ZNF782: variants seen among roughly 807,000 people sequenced by gnomAD.
ZNF782 encodes zinc finger protein 782.
In ZNF782, 12 loss-of-function variants were observed where a neutral mutation model predicts 13.0. The ratio of observed to expected loss-of-function variants is 0.92; its 90% CI spans 0.59 to 1.50. The LOEUF (loss-of-function observed/expected upper bound fraction) is 1.50, where lower values mean the gene tolerates loss of function less well. Ranked by LOEUF, ZNF782 falls within the 40% of genes most tolerant of loss-of-function variation. The pLI is 0.00. For synonymous variants in ZNF782, 284 were observed against 283.0 expected (o/e 1.00, Z -0.04); for missense variants, 770 against 822.9 (o/e 0.94, Z 0.79).
upstream of ZNF782, among the ~76,000 whole-genome samples, chr9:96,879,335 AAACAAC>A (rs766678581): frequency 1.3e-5 from 2 of 152,134 alleles, no homozygotes; most frequent in African/African-American, 4.8e-5. Flanking sequence ...AAAAAAACAA[AAACAAC>A]AACAACAAAA....
upstream of ZNF782, among the ~76,000 whole-genome samples, chr9:96,858,339 A>G (rs943107563): frequency 3.2e-4 from 48 of 152,180 alleles, no homozygotes; most frequent in Non-Finnish European, 6.5e-4. This position sits in a 1 kb window ranked among gnomAD's most constrained non-coding sequence, Gnocchi z 4.4. Context: ...ACATCACCCA[A>G]TGCTCACCTC....
the ZNF782 span, chr9:96,891,089 C>G: frequency 1.3e-5 from 2 of 152,068 alleles, no homozygotes; most frequent in Non-Finnish European, 2.9e-5. Flanking sequence ...TTCATAGAGG[C>G]AGAAAGTAGA....
At position 96,819,220 on chromosome 9, in the gene ZNF782, T is replaced by C. The variant is rs1424256890; in HGVS notation, c.803A>G (p.Lys268Arg). The change falls in exon 6 of 6, where the codon AAG (lysine) becomes AGG (arginine). Residue 268 changes from lysine (K) to arginine (R), a missense_variant. Lys to Arg is a conservative substitution (Grantham distance 26). Coordinates refer to ENST00000481138, the MANE Select transcript of ZNF782 (RefSeq NM_001001662.3). ...FIIPQNMNPE[K>R]SHYEFNDTGN... ...AGTATCATTAAACTCATAGTGACTC[T>C]TCTCTGGATTCATGTTCTGAGGAAT... 10 of 1,610,750 alleles carry C rather than the reference T, an allele frequency of 6.2e-6. No homozygotes were observed. Among genetic ancestry groups the C allele is most frequent in the Non-Finnish European group, 8.5e-6 (10 of 1,178,912 alleles).
intron 3 of ZNF782, 116 bp downstream of exon 3, chr9:96,851,831 T>C: frequency 3.7e-6 from 4 of 1,078,016 alleles, no homozygotes; most frequent in East Asian, 4.8e-5. Flanking sequence ...TGAAACTGTA[T>C]ATATTTTCCC....
chr9:96,846,249 G>C (rs1050856478), intron 3 of ZNF782, among the ~76,000 whole-genome samples: 4 of 152,100 alleles, frequency 2.6e-5, no homozygotes, highest in Non-Finnish European at 5.9e-5. Flanking sequence ...CCTCTTGAAA[G>C]CTTAAAACTC....
chr9:96,915,237 G>C, the ZNF782 span, among the ~76,000 whole-genome samples: 1 of 152,058 alleles, frequency 6.6e-6, no homozygotes, highest in Non-Finnish European at 1.5e-5. Context: ...ATAGTAATAA[G>C]GGAAACAATA....
the ZNF782 span, chr9:96,895,544 C>G: frequency 6.6e-6 from 1 of 152,110 alleles, no homozygotes; most frequent in Non-Finnish European, 1.5e-5. Flanking sequence ...GTTCATTTTT[C>G]TCTCAGCCTT....
At chr9:96,821,217 A>T (rs935120838) in intron 5 of ZNF782, among the ~76,000 whole-genome samples, 5 of 152,182 alleles carry the variant, frequency 3.3e-5, no homozygotes, top group Admixed American at 1.3e-4. Flanking sequence ...TTTTACACTA[A>T]CTGTAGGCTC....
At chr9:96,906,028 T>A in the ZNF782 span, among the ~76,000 whole-genome samples, 1 of 152,244 alleles carries the variant, frequency 6.6e-6, no homozygotes, top group Non-Finnish European at 1.5e-5. Flanking sequence ...ATGGAGAAAC[T>A]GAAACTCTTG....
chr9:96,832,456 T>C (rs1357970730), intron 4 of ZNF782, among the ~76,000 whole-genome samples: 1 of 152,208 alleles, frequency 6.6e-6, no homozygotes, highest in Non-Finnish European at 1.5e-5. Context: ...TCTTTCCTGA[T>C]GCTTGAAAGA....
intron 4 of ZNF782, among the ~76,000 whole-genome samples, chr9:96,830,671 T>C (rs1178753213): frequency 6.6e-6 from 1 of 152,142 alleles, no homozygotes; most frequent in East Asian, 1.9e-4. Context: ...AATTTCCAAA[T>C]AGGTTCAATC....
rs560820185 is a variant in ZNF782 at position 96,827,481 on chromosome 9, C to A, written c.143-300G>T. Among the ~76,000 whole-genome samples, 3 of 152,196 alleles carry A rather than the reference C, an allele frequency of 2.0e-5. No homozygotes were observed. In the East Asian group the frequency reaches 5.8e-4, roughly 29 times the overall value. Reference sequence around the variant, plus strand: ...AGTAGCTGGGACTACAGGTGTGCACCACCATACCCGGCTAATTTTTTAAAG... The same window carrying A: ...AGTAGCTGGGACTACAGGTGTGCACAACCATACCCGGCTAATTTTTTAAAG... On this transcript the variant is annotated intron_variant, in intron 4 of 5. Coordinates refer to ENST00000481138, the MANE Select transcript of ZNF782 (RefSeq NM_001001662.3).
chr9:96,862,915 G>A (rs934258567), intron 1 of ZNF782, among the ~76,000 whole-genome samples: 1 of 152,158 alleles, frequency 6.6e-6, no homozygotes, highest in African/African-American at 2.4e-5. Flanking sequence ...TCTAGCTCTA[G>A]TTACAAGGTC....
At chr9:96,868,800 C>T (rs774916504) in intron 1 of ZNF782, among the ~76,000 whole-genome samples, 5 of 152,084 alleles carry the variant, frequency 3.3e-5, no homozygotes, top group South Asian at 2.1e-4. Context: ...GAGCATATGA[C>T]GGCTTTACCA....
the ZNF782 span, chr9:96,931,688 C>A: frequency 1.2e-6 from 2 of 1,609,756 alleles, no homozygotes; most frequent in South Asian, 2.2e-5. Context: ...CCTGGAGACG[C>A]CAGCTCATTC....
chr9:96,879,520 G>A (rs1480098809), upstream of ZNF782, among the ~76,000 whole-genome samples: 1 of 151,946 alleles, frequency 6.6e-6, no homozygotes. Flanking sequence ...AACAAAAAAA[G>A]AAACAATGGG....
At chr9:96,875,713 C>T (rs1456672152), upstream of ZNF782, 1 of 405,550 alleles carries the variant, frequency 2.5e-6, no homozygotes, top group Non-Finnish European at 4.9e-6. Flanking sequence ...CCCCGGGCTT[C>T]CCGTTCTCAC....
the ZNF782 span, chr9:96,893,198 A>C: frequency 4.6e-5 from 7 of 152,204 alleles, no homozygotes; most frequent in Non-Finnish European, 1.5e-5. Context: ...TAGCTTAAAC[A>C]ATCTATTCAA....
At chr9:96,926,259 CTGAG>C in the ZNF782 span, among the ~76,000 whole-genome samples, 21 of 144,694 alleles carry the variant, frequency 1.5e-4, no homozygotes, top group Non-Finnish European at 6.0e-5. Flanking sequence ...TCTTCAGTGC[CTGAG>C]TGTGATATTT....
Sources: gnomAD v4.1 joint callset for allele counts (sites outside exome capture counted in the v4.1 genomes callset) on GRCh38, gnomAD v4.1.1 for gene constraint, Gnocchi (gnomAD v3.1) non-coding constraint, MANE v1.5 for transcripts, NCBI Gene and HGNC (gene_info 2026-07-23, HGNC 2026-07-21) for gene names.